AGBL1: variants seen among roughly 807,000 people sequenced by gnomAD.
The protein encoded by AGBL1 is AGBL carboxypeptidase 1.
A neutral mutation model predicts 118.9 loss-of-function variants in AGBL1; 130 were observed. That is an observed-to-expected ratio of 1.09 (90% CI 0.95 to 1.26). The LOEUF is 1.26. Ranked by LOEUF, AGBL1 falls within the 50% of genes most tolerant of loss-of-function variation. The pLI is 0.00. For missense variants in AGBL1, 1,584 were observed against 1,298.1 expected (o/e 1.22, Z -3.38); for synonymous variants, 555 against 478.9 (o/e 1.16, Z -2.08).
chr15:86,826,454 C>T (rs2079013927), intron 22 of AGBL1, among the ~76,000 whole-genome samples: 3 of 152,112 alleles, frequency 2.0e-5, no homozygotes, highest in Admixed American at 1.3e-4. Flanking sequence ...ATAATATTTT[C>T]TTAGAATTTC....
intron 2 of AGBL1, 61 bp downstream of exon 2, chr15:86,142,128 T>G (rs2076971935): frequency 6.6e-7 from 1 of 1,507,596 alleles, no homozygotes; most frequent in Admixed American, 2.0e-5. Context: ...GGCTGTGATC[T>G]CTCCCAGGCA....
At chr15:86,506,899 AT>A (rs1391992371) in intron 18 of AGBL1, among the ~76,000 whole-genome samples, 1 of 151,988 alleles carries the variant, frequency 6.6e-6, no homozygotes, top group Non-Finnish European at 1.5e-5. Context: ...ATGTAGGATA[AT>A]TTTTCTTAAG....
chr15:86,748,510 C>CT lies in AGBL1; in HGVS notation c.3158+74110dup, dbSNP rs752203969. ...ATTAGATCCCATTTGTCAATTTTGG[C>CT]TTTTTTTTTTTTTTTTTTTTTTTTT... On this transcript the variant is annotated intron_variant, in intron 22 of 22. Coordinates refer to ENST00000614907, the MANE Select transcript of AGBL1 (RefSeq NM_001386094.1). Among the ~76,000 whole-genome samples, 24 of 9,774 alleles carry CT rather than the reference C, an allele frequency of 2.5e-3. 6 individuals carry two copies. Among genetic ancestry groups the CT allele is most frequent in the Non-Finnish European group, 4.5e-3 (17 of 3,752 alleles). 6.4% of individuals were successfully genotyped at this position (9,774 alleles called of 152,430 possible).
chr15:86,625,404 AAC>A (rs2084872382), intron 21 of AGBL1, among the ~76,000 whole-genome samples: 1 of 62,812 alleles, frequency 1.6e-5, no homozygotes, highest in African/African-American at 3.9e-5. Flanking sequence ...TTTTTTTACA[AAC>A]ACAGAAACTG....
intron 22 of AGBL1, among the ~76,000 whole-genome samples, chr15:86,791,773 G>T (rs1429068489): frequency 6.7e-6 from 1 of 149,304 alleles, no homozygotes; most frequent in African/African-American, 2.5e-5. Context: ...GTCTTGCTCT[G>T]TCATCCAGAC....
At chr15:86,862,578 G>A (rs71401916) in intron 22 of AGBL1, among the ~76,000 whole-genome samples, 3 of 152,030 alleles carry the variant, frequency 2.0e-5, no homozygotes, top group Admixed American at 6.6e-5. Context: ...AAAATTAGCC[G>A]GGCGTGATGA....
Position 86,337,498 on chromosome 15 carries a change from A to G in AGBL1, c.2374+42090A>G, listed in dbSNP as rs141235582. Among the ~76,000 whole-genome samples, 3 of 152,356 alleles carry G rather than the reference A, an allele frequency of 2.0e-5. No homozygotes were observed. In the East Asian group the frequency reaches 5.8e-4, roughly 29 times the overall value. On this transcript the variant is annotated intron_variant, in intron 17 of 22. Coordinates refer to ENST00000614907, the MANE Select transcript of AGBL1 (RefSeq NM_001386094.1). ...AGACTGGATAAAGAAAATGTGGTAC[A>G]TATACACCATGGAATACTATGCAGC...
intron 21 of AGBL1, among the ~76,000 whole-genome samples, chr15:86,667,212 ATC>A (rs1275816253): frequency 3.4e-5 from 1 of 29,532 alleles, no homozygotes; most frequent in East Asian, 6.3e-4. Context: ...CTATGTATGT[ATC>A]TATGTATGTA....
chr15:86,980,938 G>A (rs1330753131), intron 23 of AGBL1, among the ~76,000 whole-genome samples: 1 of 137,926 alleles, frequency 7.3e-6, no homozygotes, highest in African/African-American at 2.7e-5. Context: ...CCAGCCTGGA[G>A]TGCAGTGGTG....
At chr15:86,254,847 T>C (rs2078870225) in intron 7 of AGBL1, among the ~76,000 whole-genome samples, 1 of 152,234 alleles carries the variant, frequency 6.6e-6, no homozygotes, top group South Asian at 2.1e-4. Context: ...CAAGAATTTC[T>C]GTCACCTTGA....
At chr15:86,571,109 G>A (rs1221024008) in intron 21 of AGBL1, among the ~76,000 whole-genome samples, 3 of 152,160 alleles carry the variant, frequency 2.0e-5, no homozygotes, top group Non-Finnish European at 4.4e-5. Flanking sequence ...TTCCCTGGCT[G>A]GCACTGGGGA....
intron 5 of AGBL1, among the ~76,000 whole-genome samples, chr15:86,198,035 C>G (rs544086587): frequency 6.6e-6 from 1 of 152,314 alleles, no homozygotes; most frequent in East Asian, 1.9e-4. Context: ...CAAGCTATCT[C>G]TTCCTGGAGT....
intron 22 of AGBL1, among the ~76,000 whole-genome samples, chr15:86,846,977 C>T (rs1446592534): frequency 6.6e-6 from 1 of 151,996 alleles, no homozygotes; most frequent in Admixed American, 6.5e-5. Context: ...ATTCTCTGTT[C>T]TTCAGATTAA....
intron 19 of AGBL1, among the ~76,000 whole-genome samples, chr15:86,524,273 C>T (rs2142203939): frequency 6.6e-6 from 1 of 152,310 alleles, no homozygotes; most frequent in Admixed American, 6.5e-5. Flanking sequence ...TGGGGAGCTC[C>T]ATGACTATCC....
chr15:86,700,712 T>C (rs2086343111), intron 22 of AGBL1, among the ~76,000 whole-genome samples: 1 of 152,140 alleles, frequency 6.6e-6, no homozygotes, highest in Non-Finnish European at 1.5e-5. Context: ...CCTTGTGTTT[T>C]ATTCTGTGCC....
At chr15:86,976,171 T>C (rs1297682763) in intron 23 of AGBL1, among the ~76,000 whole-genome samples, 1 of 150,400 alleles carries the variant, frequency 6.6e-6, no homozygotes, top group East Asian at 1.9e-4. Flanking sequence ...ATTTTACTTA[T>C]TTATGTATTA....
At chr15:86,375,800 G>T (rs1398066343) in intron 17 of AGBL1, among the ~76,000 whole-genome samples, 1 of 152,186 alleles carries the variant, frequency 6.6e-6, no homozygotes, top group Non-Finnish European at 1.5e-5. Flanking sequence ...TTTTGGCAAA[G>T]GGTAGAAGAC....
intron 22 of AGBL1, among the ~76,000 whole-genome samples, chr15:86,804,235 A>G (rs1567181640): frequency 6.6e-6 from 1 of 152,110 alleles, no homozygotes; most frequent in Non-Finnish European, 1.5e-5. Flanking sequence ...GGGGAAGGAG[A>G]CTTCCATCTG....
At position 86,279,749 on chromosome 15, in the gene AGBL1, C is replaced by T; in HGVS notation, c.2186C>T (p.Ala729Val). 6.2e-7 allele frequency: 1 copy of T among 1,613,824 alleles called. No individual in the cohort carries two copies. Among genetic ancestry groups the T allele is most frequent in the Non-Finnish European group, 8.5e-7 (1 of 1,179,778 alleles). Residue 729 changes from alanine (A) to valine (V), a missense_variant, in exon 16 of 23, where the codon GCC (alanine) becomes GTC (valine). Transcript: ENST00000614907. ...CACAGTGAGGATGTCTGCTACCTGG[C>T]CTACCACTATCCCTATACCTACACA... ...FPHSEDVCYL[A>V]YHYPYTYTAL... is the part of the protein sequence containing the mutation.
Sources: gnomAD v4.1 joint callset for allele counts (sites outside exome capture counted in the v4.1 genomes callset) on GRCh38, gnomAD v4.1.1 for gene constraint, MANE v1.5 for transcripts, NCBI Gene and HGNC (gene_info 2026-07-23, HGNC 2026-07-21) for gene names.